Variants in WNK2 observed in about 807,000 individuals in gnomAD.
WNK2 encodes WNK lysine deficient protein kinase 2.
Under a neutral mutation model 192.1 loss-of-function variants are expected in WNK2, and 67 were observed. That is an observed-to-expected ratio of 0.35 (90% CI 0.29 to 0.43). The LOEUF is 0.43. Ranked by LOEUF, WNK2 falls within the 20% of genes least tolerant of loss-of-function variation. The pLI, the probability that WNK2 is intolerant of heterozygous loss-of-function variation, is 1.00. For synonymous variants in WNK2, 1,439 were observed against 1,393.9 expected, an observed-to-expected ratio of 1.03 and a Z score of -0.72; for missense variants, 2,698 against 3,089.7, an observed-to-expected ratio of 0.87 and a Z score of 3.01.
At position 93,217,015 on chromosome 9, in the gene WNK2, G is replaced by A. The variant is rs187860380; in HGVS notation, c.682-12681G>A. Among the ~76,000 whole-genome samples the A allele has an allele frequency of 1.0e-3, 152 of 151,654 alleles. 1 individual carries two copies. The highest frequency in any genetic ancestry group is 3.4e-3 in the Middle Eastern group (1 of 294). On this transcript the variant is annotated intron_variant, in intron 2 of 29. Coordinates refer to ENST00000427277, the MANE Select transcript of WNK2 (RefSeq NM_006648.4). ...TGCTCTGTTGCCAGGCTGGAGTGCA[G>A]TGGCGAGATCTCGGCTCACTGCAAC...
chr9:93,224,292 CT>C (rs1353913152), intron 2 of WNK2, among the ~76,000 whole-genome samples: 1 of 152,188 alleles, frequency 6.6e-6, no homozygotes, highest in East Asian at 1.9e-4. Context: ...AAGTGTGCCC[CT>C]AGTAGGTCTG....
At chr9:93,263,141 T>C (rs1933695034) in intron 14 of WNK2, 1 of 374,030 alleles carries the variant, frequency 2.7e-6, no homozygotes, top group Admixed American at 4.3e-5. Context: ...CGTGTCCTTA[T>C]TTGAACTGTG....
chr9:93,209,230 A>C (rs962116956), intron 2 of WNK2, among the ~76,000 whole-genome samples: 12 of 152,136 alleles, frequency 7.9e-5, no homozygotes, highest in Non-Finnish European at 1.6e-4. Context: ...TACAGAGTCC[A>C]TGGCGATCTC....
chr9:93,292,819 A>G lies in WNK2; in HGVS notation c.5354A>G (p.Lys1785Arg), dbSNP rs1459087977. The G allele has an allele frequency of 1.3e-6, 2 of 1,531,910 alleles. No homozygotes were observed. Among genetic ancestry groups the G allele is most frequent in the Non-Finnish European group, 1.8e-6 (2 of 1,138,610 alleles). The allele number at this position is 1,531,910 out of a possible 1,614,324, so 94.9% of individuals were successfully genotyped here. A position where few individuals can be genotyped will look rare whatever the true frequency, so the allele number is the denominator to read the frequency against. Residue 1785 changes from lysine (K) to arginine (R), a missense_variant, in exon 23 of 30, where the codon AAG becomes AGG. By Grantham distance (26) the Lys-to-Arg change is conservative (BLOSUM62 2). This residue lies in a region of WNK2 where 1,098 missense variants were observed against 1,101.0 expected (regional missense o/e 1.00). Coordinates refer to ENST00000427277, the MANE Select transcript of WNK2 (RefSeq NM_006648.4). ...LDEAPSSPDV[K>R]LAVRRAQTAS... ...GAGGCCCCCTCCAGCCCCGACGTGA[A>G]GCTGGCAGTGCGGCGGGCGCAGACG...
rs1054151317 is a variant in WNK2 at position 93,184,230 on chromosome 9, C to G, written c.-158C>G. Among the ~76,000 whole-genome samples the G allele has an allele frequency of 6.6e-6, 1 of 150,648 alleles. No individual in the cohort carries two copies. Among genetic ancestry groups the G allele is most frequent in the Admixed American group, 6.6e-5 (1 of 15,130 alleles). ...GAGCGCGGCCCCGCAGTGGCCCGGC[C>G]CGAGAGAGCAGCGCGCAGGAGCTGG... is the stretch of plus-strand genomic sequence containing the variant. On this transcript the variant is annotated 5_prime_UTR_variant, in exon 1 of 30. Transcript: ENST00000427277.
intron 2 of WNK2, among the ~76,000 whole-genome samples, chr9:93,211,413 C>G (rs1318371145): frequency 7.0e-6 from 1 of 143,760 alleles, no homozygotes; most frequent in East Asian, 2.2e-4. Flanking sequence ...ATCCACTTAC[C>G]CACCACTCAT....
chr9:93,276,160 A>T (rs1156542960), intron 19 of WNK2, among the ~76,000 whole-genome samples: 1 of 152,260 alleles, frequency 6.6e-6, no homozygotes, highest in Non-Finnish European at 1.5e-5. Flanking sequence ...AAAATGGAGA[A>T]TCAAGTTAGA....
intron 2 of WNK2, among the ~76,000 whole-genome samples, chr9:93,216,047 C>G (rs987321698): frequency 6.6e-6 from 1 of 152,150 alleles, no homozygotes; most frequent in African/African-American, 2.4e-5. Context: ...TGTGTTTCAG[C>G]CCCTGTGAGG....
rs1441188702 is a variant in WNK2 at position 93,292,635 on chromosome 9, C to T, written c.5170C>T (p.Arg1724Ter). ...QASHPQTLGA[R>*]ALGSPRKRPE... ...TAGCCACCCCCAGACACTCGGCGCTCGAGCTTTGGGGTCCCCTCGGAAACG... is the reference window on the plus strand; with the variant it reads ...TAGCCACCCCCAGACACTCGGCGCTTGAGCTTTGGGGTCCCCTCGGAAACG... Residue 1724 changes from arginine (R) to a stop codon, truncating the protein, a stop_gained, in exon 23 of 30, where the codon CGA (arginine) becomes TGA (stop). Transcript: ENST00000427277. LOFTEE classifies it high-confidence loss of function. 1 of 1,583,032 alleles carries T rather than the reference C, an allele frequency of 6.3e-7. No individual in the cohort carries two copies. The highest frequency in any genetic ancestry group is 8.6e-7 in the Non-Finnish European group (1 of 1,165,238).
In WNK2 at chr9:93,184,962, C is replaced by T; in HGVS notation, c.33C>T (p.Pro11=). The T allele has an allele frequency of 1.6e-6, 2 of 1,235,364 alleles. No individual in the cohort carries two copies. Among genetic ancestry groups the T allele is most frequent in the African/African-American group, 1.6e-5 (1 of 63,982 alleles). 76.5% of individuals were successfully genotyped at this position (1,235,364 alleles called of 1,614,324 possible). A position where few individuals can be genotyped will look rare whatever the true frequency, so the allele number is the denominator to read the frequency against. Reference sequence around the variant, plus strand: ...GCGATGGCGGCCGCCGAGACGTCCCCGGCACGCTGATGGAGCCCGGGCGCG... The same window carrying T: ...GCGATGGCGGCCGCCGAGACGTCCCTGGCACGCTGATGGAGCCCGGGCGCG... MDGDGGRRDV[P]GTLMEPGRGA... Residue 11 remains proline (P), a synonymous_variant, in exon 2 of 30, where the codon CCC becomes CCT. Transcript: ENST00000427277.
intron 2 of WNK2, among the ~76,000 whole-genome samples, chr9:93,217,598 G>C (rs887367623): frequency 2.6e-5 from 4 of 152,300 alleles, no homozygotes. Flanking sequence ...GTGGGCAGGG[G>C]GGCCTAACCT....
chr9:93,287,130 A>G (rs1210403415), intron 19 of WNK2, among the ~76,000 whole-genome samples: 3 of 152,222 alleles, frequency 2.0e-5, no homozygotes, highest in African/African-American at 7.2e-5. Context: ...CATGCTTTTA[A>G]AAATGTGTTA....
intron 19 of WNK2, among the ~76,000 whole-genome samples, chr9:93,276,905 G>A (rs902463531): frequency 2.0e-5 from 3 of 151,992 alleles, no homozygotes; most frequent in South Asian, 2.1e-4. Context: ...CCGTGGTGGC[G>A]GGCACCTGTA....
intron 2 of WNK2, among the ~76,000 whole-genome samples, chr9:93,189,510 G>A (rs970265707): frequency 1.3e-5 from 2 of 152,190 alleles, no homozygotes; most frequent in African/African-American, 2.4e-5. Context: ...AGGGCTCAAG[G>A]AACGATGTGT....
At chr9:93,209,754 G>A (rs1023044976) in intron 2 of WNK2, among the ~76,000 whole-genome samples, 1 of 152,206 alleles carries the variant, frequency 6.6e-6, no homozygotes, top group Non-Finnish European at 1.5e-5. Context: ...AAGGCAGGGT[G>A]GAGTGCGTGC....
intron 28 of WNK2, among the ~76,000 whole-genome samples, chr9:93,310,129 T>C (rs1194498017): frequency 6.6e-6 from 1 of 152,206 alleles, no homozygotes; most frequent in Admixed American, 6.5e-5. Context: ...TCTCTCCACA[T>C]CCACACTCCC....
chr9:93,229,940 T>A lies in WNK2; in HGVS notation c.854+72T>A. ...AGGGCTACCATAGCTGAGGGTGAGG[T>A]CTTGGGCTGCTGGGGTGGTCCTGGC... On this transcript the variant is annotated intron_variant, in intron 3 of 29. Transcript: ENST00000427277. The surrounding 1 kb of genome is among the most constrained non-coding windows in gnomAD (Gnocchi z 4.9). 6.5e-7 allele frequency: 1 copy of A among 1,545,378 alleles called. No homozygotes were observed. The highest frequency in any genetic ancestry group is 8.7e-7 in the Non-Finnish European group (1 of 1,144,142).
At chr9:93,192,261 C>G (rs1314250792) in intron 2 of WNK2, among the ~76,000 whole-genome samples, 2 of 150,780 alleles carry the variant, frequency 1.3e-5, no homozygotes, top group African/African-American at 4.9e-5. Flanking sequence ...TTGAGTGAGC[C>G]GAGATCGCAC....
chr9:93,301,207 C>G (rs901931152), intron 26 of WNK2, among the ~76,000 whole-genome samples: 1 of 150,330 alleles, frequency 6.7e-6, no homozygotes, highest in Non-Finnish European at 1.5e-5. Flanking sequence ...GATTTTTAGG[C>G]TTTTGTCTTT....
Sources: gnomAD v4.1 joint callset for allele counts (sites outside exome capture counted in the v4.1 genomes callset) on GRCh38, gnomAD v4.1.1 for gene constraint, gnomAD v4.1.1 regional missense constraint, Gnocchi (gnomAD v3.1) non-coding constraint, MANE v1.5 for transcripts, NCBI Gene and HGNC (gene_info 2026-07-23, HGNC 2026-07-21) for gene names.